Variants in L3MBTL4 observed in about 807,000 individuals in gnomAD.
L3MBTL4 encodes the protein lethal(3)malignant brain tumor-like protein 4.
Under a neutral mutation model 84.5 loss-of-function variants are expected in L3MBTL4, and 70 were observed. The observed-to-expected ratio is 0.83, with a 90% CI of 0.68 to 1.01. The LOEUF (loss-of-function observed/expected upper bound fraction) is 1.01, where lower values mean the gene tolerates loss of function less well. Among genes scored for constraint, L3MBTL4 ranks in the 50% least tolerant of loss-of-function variants. The probability of loss-of-function intolerance (pLI) is 0.00; values close to 1 mark genes in which losing one functional copy is unlikely to be tolerated. For synonymous variants in L3MBTL4, 274 were observed against 259.8 expected (o/e 1.05, Z -0.52); for missense variants, 715 against 754.8 (o/e 0.95, Z 0.62).
chr18:6,215,827 TGGGATAAC>T lies in L3MBTL4; in HGVS notation c.785_792del (p.Gly262GlufsTer25). On this transcript the variant is annotated frameshift_variant and splice_region_variant, in exon 11 of 19. Transcript: ENST00000317931. LOFTEE classifies it high-confidence loss of function. ...TCTGTCCAGGAAAAATTTTCTGGAT[TGGGATAAC>T]CTGAAAATATATATATATAAATAGC... 6.4e-7 allele frequency: 1 copy of T among 1,572,228 alleles called. No individual in the cohort carries two copies. The highest frequency in any genetic ancestry group is 8.7e-7 in the Non-Finnish European group (1 of 1,148,406).
chr18:6,009,619 C>A (rs1183033109), intron 16 of L3MBTL4, among the ~76,000 whole-genome samples: 1 of 152,164 alleles, frequency 6.6e-6, no homozygotes, highest in East Asian at 1.9e-4. Flanking sequence ...CCTATGCACA[C>A]CCTCCCGTAT....
At chr18:6,398,041 G>A (rs1414815890) in intron 1 of L3MBTL4, 1 of 152,016 alleles carries the variant, frequency 6.6e-6, no homozygotes, top group East Asian at 1.9e-4. Context: ...TTCTTAAGGG[G>A]AAGTAATAAA....
At chr18:6,163,699 G>A (rs564602860) in intron 13 of L3MBTL4, among the ~76,000 whole-genome samples, 3 of 152,128 alleles carry the variant, frequency 2.0e-5, no homozygotes, top group Non-Finnish European at 4.4e-5. Context: ...GAATTAGAGG[G>A]TGAAGCCAAG....
At chr18:6,311,849 C>T (rs543775152) in intron 2 of L3MBTL4, 149 bp downstream of exon 2, 6 of 411,140 alleles carry the variant, frequency 1.5e-5, no homozygotes, top group East Asian at 4.4e-5. Context: ...GAGGGCAATG[C>T]GTTTACTACC....
intron 13 of L3MBTL4, among the ~76,000 whole-genome samples, chr18:6,151,480 C>A (rs563377006): frequency 6.6e-6 from 1 of 152,276 alleles, no homozygotes; most frequent in South Asian, 2.1e-4. Flanking sequence ...GCAACCTCTG[C>A]CTCCCAGATT....
At chr18:6,302,828 C>G (rs989903014) in intron 3 of L3MBTL4, among the ~76,000 whole-genome samples, 1 of 151,834 alleles carries the variant, frequency 6.6e-6, no homozygotes, top group Non-Finnish European at 1.5e-5. Context: ...ACTAAAAATA[C>G]AAAAAAGAAA....
chr18:6,077,509 A>C (rs1218500215), intron 16 of L3MBTL4, among the ~76,000 whole-genome samples: 1 of 152,170 alleles, frequency 6.6e-6, no homozygotes, highest in Admixed American at 6.5e-5. Flanking sequence ...GTAGTCTTTA[A>C]AATATTTTTA....
intron 16 of L3MBTL4, among the ~76,000 whole-genome samples, chr18:6,034,361 T>G (rs1013269578): frequency 1.3e-5 from 2 of 151,904 alleles, no homozygotes; most frequent in East Asian, 3.9e-4. Context: ...TGTGTTCTCA[T>G]TGTTCAATTC....
At chr18:6,373,978 G>C (rs752422581) in intron 1 of L3MBTL4, among the ~76,000 whole-genome samples, 4 of 152,066 alleles carry the variant, frequency 2.6e-5, no homozygotes, top group African/African-American at 4.8e-5. Context: ...CAAAATTTTT[G>C]GGTTTAAGAG....
At chr18:6,415,253 C>G (rs1022636600), upstream of L3MBTL4, 1 of 152,772 alleles carries the variant, frequency 6.5e-6, no homozygotes, top group Non-Finnish European at 1.5e-5. Context: ...CTCTCTCCTC[C>G]GGATCCCTCT....
At chr18:5,970,417 CA>C (rs10711720) in intron 16 of L3MBTL4, among the ~76,000 whole-genome samples, 4,419 of 152,256 alleles carry the variant, frequency 0.029, 256 homozygotes, top group East Asian at 0.24. Flanking sequence ...TTCCTGTCTT[CA>C]AAAGTGACTT....
intron 16 of L3MBTL4, among the ~76,000 whole-genome samples, chr18:5,981,870 C>T (rs1298102502): frequency 2.0e-5 from 3 of 151,994 alleles, no homozygotes; most frequent in East Asian, 3.9e-4. Context: ...GTTCTGTCAT[C>T]TATTATTCTC....
At chr18:6,383,505 G>C (rs1226159517) in intron 1 of L3MBTL4, among the ~76,000 whole-genome samples, 2 of 152,150 alleles carry the variant, frequency 1.3e-5, no homozygotes, top group South Asian at 4.1e-4. Context: ...GCAGTATCTG[G>C]GCTGGAGTGC....
At chr18:6,125,171 G>T (rs1367830276) in intron 14 of L3MBTL4, among the ~76,000 whole-genome samples, 2 of 148,860 alleles carry the variant, frequency 1.3e-5, no homozygotes, top group African/African-American at 4.9e-5. Context: ...AATGCGGAAG[G>T]AAGGAGGAAA....
At chr18:5,994,472 A>C (rs2053855539) in intron 16 of L3MBTL4, among the ~76,000 whole-genome samples, 1 of 152,224 alleles carries the variant, frequency 6.6e-6, no homozygotes, top group Non-Finnish European at 1.5e-5. Flanking sequence ...ATTTTTCCAA[A>C]TATCAACTCA....
Position 6,252,384 on chromosome 18 carries a change from CAAGT to C in L3MBTL4, c.220-7800_220-7797del, listed in dbSNP as rs930050556. Among the ~76,000 whole-genome samples the C allele has an allele frequency of 6.0e-4, 91 of 152,030 alleles. 1 individual carries two copies. The highest frequency in any genetic ancestry group is 2.2e-3 in the African/African-American group (89 of 41,368). On this transcript the variant is annotated intron_variant, in intron 5 of 18. Coordinates refer to ENST00000317931, the MANE Select transcript of L3MBTL4 (RefSeq NM_001330559.2). ...AATGACAGCCATAATCAATATCAAG[CAAGT>C]GTTAGATAAGCATATGGTGTGTTTT...
chr18:6,382,515 G>A (rs142254159), intron 1 of L3MBTL4, among the ~76,000 whole-genome samples: 11 of 152,082 alleles, frequency 7.2e-5, no homozygotes, highest in East Asian at 1.9e-4. Flanking sequence ...TGGGGTCTCT[G>A]AGTGGACGTG....
At chr18:6,167,364 G>A (rs936656653) in intron 13 of L3MBTL4, among the ~76,000 whole-genome samples, 11 of 152,122 alleles carry the variant, frequency 7.2e-5, no homozygotes, top group African/African-American at 9.7e-5. Flanking sequence ...GCCTGGCAGA[G>A]ACACGACAAA....
chr18:6,370,190 G>T (rs1238763766), intron 1 of L3MBTL4, among the ~76,000 whole-genome samples: 1 of 151,850 alleles, frequency 6.6e-6, no homozygotes, highest in Non-Finnish European at 1.5e-5. Context: ...GGACACAAGG[G>T]TGAAGGGAAG....
Sources: gnomAD v4.1 joint callset for allele counts (sites outside exome capture counted in the v4.1 genomes callset) on GRCh38, gnomAD v4.1.1 for gene constraint, MANE v1.5 for transcripts, NCBI Gene and HGNC (gene_info 2026-07-23, HGNC 2026-07-21) for gene names.